The following DOCK10 variants were observed in gnomAD, a reference collection of about 807,000 sequenced individuals.
DOCK10 encodes the protein dedicator of cytokinesis protein 10.
DOCK10 carries 145 observed loss-of-function variants against 280.1 expected under a neutral mutation model. The ratio of observed to expected loss-of-function variants is 0.52; its 90% confidence interval spans 0.45 to 0.59. DOCK10 has a LOEUF of 0.59. Among genes scored for constraint, DOCK10 ranks in the 20% least tolerant of loss-of-function variants. The pLI, the probability that DOCK10 is intolerant of heterozygous loss-of-function variation, is 0.00. For missense variants in DOCK10, 2,368 were observed against 2,651.7 expected (o/e 0.89, Z 2.35); for synonymous variants, 915 against 942.2 (o/e 0.97, Z 0.53).
intron 1 of DOCK10, among the ~76,000 whole-genome samples, chr2:225,001,191 T>C (rs6760838): frequency 0.056 from 8,519 of 152,216 alleles, 823 homozygotes; most frequent in African/African-American, 0.19. Context: ...TCAGGGTATA[T>C]GCATTTATCA....
At chr2:224,967,102 C>T (rs1465625623) in intron 1 of DOCK10, among the ~76,000 whole-genome samples, 4 of 142,114 alleles carry the variant, frequency 2.8e-5, no homozygotes, top group East Asian at 2.1e-4. Context: ...TTTTTTGAGA[C>T]GGAGTCTCGC....
chr2:224,917,108 T>TTTTTTTTTTG (rs1701379436), intron 2 of DOCK10, among the ~76,000 whole-genome samples: 1 of 75,074 alleles, frequency 1.3e-5, no homozygotes, highest in Non-Finnish European at 3.3e-5. Context: ...AATCTTTTTT[T>TTTTTTTTTTG]TTTTTTTTTT....
Position 224,844,771 on chromosome 2 carries a change from T to A in DOCK10, c.2550A>T (p.Val850=). The change falls in exon 22 of 56, where the codon GTA becomes GTT. Residue 850 remains valine (V), a synonymous_variant. Transcript: ENST00000258390. ...TACTCACCTGAGTATTTACTGTTGATACAACAAATGTCGACACTTTGAAAA... is the reference window on the plus strand; with the variant it reads ...TACTCACCTGAGTATTTACTGTTGAAACAACAAATGTCGACACTTTGAAAA... ...KPLFKVSTFV[V]STVNTQDPHV... 1 of 1,598,954 alleles carries A rather than the reference T, an allele frequency of 6.3e-7. No homozygotes were observed. Among genetic ancestry groups the A allele is most frequent in the East Asian group, 2.2e-5 (1 of 44,606 alleles).
chr2:224,949,547 T>C lies in DOCK10; in HGVS notation c.124-17879A>G, dbSNP rs530849909. ...GTCTGGGGAAGCTTTATAGAAAAGA[T>C]ATCTCTAAGGTAGGCTTTGAATAAT... On this transcript the variant is annotated intron_variant, in intron 1 of 55. Transcript: ENST00000258390. Among the ~76,000 whole-genome samples the C allele has an allele frequency of 3.2e-4, 48 of 152,336 alleles. 1 individual carries two copies. The Middle Eastern group carries it at 0.027, about 86-fold the overall frequency.
At chr2:224,975,637 A>G (rs1705392163) in intron 1 of DOCK10, among the ~76,000 whole-genome samples, 1 of 152,238 alleles carries the variant, frequency 6.6e-6, no homozygotes, top group Non-Finnish European at 1.5e-5. Context: ...CCTTTGGAGT[A>G]GTTTCCATAG....
chr2:224,859,150 C>G (rs1000978108), intron 14 of DOCK10, among the ~76,000 whole-genome samples: 3 of 152,060 alleles, frequency 2.0e-5, no homozygotes, highest in Non-Finnish European at 4.4e-5. Flanking sequence ...GTTGGATGAC[C>G]ATTTGTTAAA....
intron 1 of DOCK10, among the ~76,000 whole-genome samples, chr2:224,938,233 C>G (rs181740508): frequency 2.2e-4 from 33 of 152,290 alleles, no homozygotes; most frequent in Non-Finnish European, 4.3e-4. Context: ...CCATTTGGAA[C>G]TCCCTCTTCC....
In DOCK10 at chr2:224,845,613, A is replaced by G. The variant is rs756702327; in HGVS notation, c.2265T>C (p.His755=). The G allele has an allele frequency of 1.2e-6, 2 of 1,612,504 alleles. No homozygotes were observed. Among genetic ancestry groups the G allele is most frequent in the South Asian group, 1.1e-5 (1 of 90,798 alleles). Residue 755 remains histidine, a synonymous_variant, in exon 20 of 56, where the codon CAT becomes CAC. Coordinates refer to ENST00000258390, the MANE Select transcript of DOCK10 (RefSeq NM_014689.3). ...AAGAAAACAAAATATGGTGTTTCTC[A>G]TGGAGTTGTGTTGGTAGCTCAATTT... is the stretch of plus-strand genomic sequence containing the variant. ...EVKIELPTQL[H]EKHHILFSFY...
intron 1 of DOCK10, among the ~76,000 whole-genome samples, chr2:224,949,152 G>A (rs543409321): frequency 1.3e-5 from 2 of 152,332 alleles, no homozygotes; most frequent in East Asian, 1.9e-4. Context: ...GGATGGCACC[G>A]CTGGGCCCTC....
In DOCK10 at chr2:224,794,906, A is replaced by C; in HGVS notation, c.5127T>G (p.Ile1709Met). Residue 1709 changes from isoleucine to methionine, a missense_variant, in exon 45 of 56, where the codon ATT (isoleucine) becomes ATG (methionine). Ile to Met is a conservative substitution (Grantham distance 10). Around this residue, in one of 2 missense-constraint regions of DOCK10, gnomAD observed 1,159 missense variants for 1,400.8 expected, o/e 0.83. Coordinates refer to ENST00000258390, the MANE Select transcript of DOCK10 (RefSeq NM_014689.3). ...RRTWLESMAK[I>M]HARNGDLSEA... ...CAGATAAATCTCCGTTTCTGGCATG[A>C]ATCTTGGCCATACTTTCCAGCCAGG... 11 of 1,613,896 alleles carry C rather than the reference A, an allele frequency of 6.8e-6. No individual in the cohort carries two copies. The highest frequency in any genetic ancestry group is 7.6e-6 in the Non-Finnish European group (9 of 1,179,846).
chr2:224,885,893 G>A (rs1699249048), intron 6 of DOCK10, 88 bp from the exon 7 acceptor site: 8 of 1,526,046 alleles, frequency 5.2e-6, no homozygotes, highest in African/African-American at 4.2e-5. Flanking sequence ...TCCTTCAGGA[G>A]TGCTATATTT....
At chr2:224,861,791 C>G (rs1319306296) in intron 14 of DOCK10, 1 of 152,124 alleles carries the variant, frequency 6.6e-6, no homozygotes, top group Non-Finnish European at 1.5e-5. Flanking sequence ...AGAGACAGAG[C>G]TTCACCATGT....
intron 2 of DOCK10, among the ~76,000 whole-genome samples, chr2:224,926,938 G>T (rs1483325342): frequency 6.6e-6 from 1 of 152,226 alleles, no homozygotes; most frequent in Non-Finnish European, 1.5e-5. Context: ...TCTCTGTCCT[G>T]CTAGAGGCTA....
At chr2:224,990,928 G>A (rs924173141) in intron 1 of DOCK10, among the ~76,000 whole-genome samples, 1 of 152,234 alleles carries the variant, frequency 6.6e-6, no homozygotes, top group South Asian at 2.1e-4. Context: ...CCTCTATGAA[G>A]CTAATGGGAG....
At chr2:224,959,165 T>A (rs1042171197) in intron 1 of DOCK10, among the ~76,000 whole-genome samples, 3 of 152,174 alleles carry the variant, frequency 2.0e-5, no homozygotes, top group Non-Finnish European at 4.4e-5. Flanking sequence ...TGATAAGCCA[T>A]TTCTTTTTTT....
chr2:224,946,602 A>G (rs1703433216), intron 1 of DOCK10, among the ~76,000 whole-genome samples: 1 of 152,200 alleles, frequency 6.6e-6, no homozygotes, highest in African/African-American at 2.4e-5. Context: ...TATTATAGTA[A>G]TGTTTTAATG....
intron 12 of DOCK10, 65 bp from the exon 13 acceptor site, chr2:224,864,740 C>T: frequency 6.3e-7 from 1 of 1,575,902 alleles, no homozygotes; most frequent in East Asian, 2.2e-5. Flanking sequence ...TACAAAATTC[C>T]ATTTTTTTAA....
chr2:224,784,775 T>TA, intron 50 of DOCK10: 1 of 1,289,366 alleles, frequency 7.8e-7, no homozygotes, highest in Non-Finnish European at 1.0e-6. Context: ...AAGAAAAGAG[T>TA]AAACATCTGC....
chr2:224,813,101 T>A (rs1361005782), intron 31 of DOCK10, among the ~76,000 whole-genome samples: 2 of 152,210 alleles, frequency 1.3e-5, no homozygotes, highest in African/African-American at 2.4e-5. Flanking sequence ...CGCACAGACT[T>A]AAAAAATAGA....
Sources: gnomAD v4.1 joint callset for allele counts (sites outside exome capture counted in the v4.1 genomes callset) on GRCh38, gnomAD v4.1.1 for gene constraint, gnomAD v4.1.1 regional missense constraint, MANE v1.5 for transcripts, NCBI Gene and HGNC (gene_info 2026-07-23, HGNC 2026-07-21) for gene names.